The following PLB1 variants were observed in gnomAD, a reference collection of about 807,000 sequenced individuals.
PLB1 encodes phospholipase B1, membrane-associated.
Under a neutral mutation model 227.4 loss-of-function variants are expected in PLB1, and 242 were observed. The observed-to-expected ratio is 1.06, with a 90% CI of 0.96 to 1.18. The LOEUF (loss-of-function observed/expected upper bound fraction) is 1.18, where lower values mean the gene tolerates loss of function less well. Among genes scored for constraint, PLB1 ranks in the 50% most tolerant of loss-of-function variants. The pLI, the probability that PLB1 is intolerant of heterozygous loss-of-function variation, is 0.00. For missense variants in PLB1, 1,858 were observed against 1,816.3 expected, an observed-to-expected ratio of 1.02 and a Z score of -0.42; for synonymous variants, 757 against 682.2, an observed-to-expected ratio of 1.11 and a Z score of -1.71.
intron 46 of PLB1, 118 bp downstream of exon 46, chr2:28,618,517 C>A: frequency 9.6e-7 from 1 of 1,045,484 alleles, no homozygotes; most frequent in Non-Finnish European, 1.4e-6. Context: ...TTACTGAGGG[C>A]CTACCCATGT....
chr2:28,604,534 G>A, intron 40 of PLB1, 121 bp from the exon 41 acceptor site: 1 of 675,094 alleles, frequency 1.5e-6, no homozygotes. Flanking sequence ...TGTTCTCAAG[G>A]GAAAGGCTGA....
chr2:28,630,028 AGTCT>A (rs528951645), intron 53 of PLB1, among the ~76,000 whole-genome samples: 24 of 152,258 alleles, frequency 1.6e-4, no homozygotes, highest in Admixed American at 3.9e-4. Flanking sequence ...GCTCCTCCAG[AGTCT>A]GTCTGTATCG....
Position 28,537,934 on chromosome 2 carries a change from T to A in PLB1, c.556-385T>A, listed in dbSNP as rs114769738. Reference sequence around the variant, plus strand: ...ATACAGGGTTAATTGTATTTCCCTGTTGGACCTGATTTTCTTTGGGAAAAA... The same window carrying A: ...ATACAGGGTTAATTGTATTTCCCTGATGGACCTGATTTTCTTTGGGAAAAA... On this transcript the variant is annotated intron_variant, in intron 9 of 57. Coordinates refer to ENST00000327757, the MANE Select transcript of PLB1 (RefSeq NM_153021.5). Among the ~76,000 whole-genome samples the A allele has an allele frequency of 5.1e-3, 781 of 152,300 alleles. 3 individuals are homozygous for A. The highest frequency in any genetic ancestry group is 0.018 in the African/African-American group (760 of 41,560).
intron 38 of PLB1, among the ~76,000 whole-genome samples, chr2:28,602,271 GT>G (rs1456809965): frequency 4.6e-5 from 7 of 152,220 alleles, no homozygotes; most frequent in Non-Finnish European, 1.0e-4. Flanking sequence ...TGGCAGCCAG[GT>G]GGCCCCCAGG....
At chr2:28,615,366 G>T (rs1490297242) in intron 44 of PLB1, among the ~76,000 whole-genome samples, 1 of 152,218 alleles carries the variant, frequency 6.6e-6, no homozygotes, top group Non-Finnish European at 1.5e-5. Context: ...TCTCAGGAGA[G>T]AGTGACATGA....
At chr2:28,620,498 C>G in intron 47 of PLB1, 102 bp from the exon 48 acceptor site, 1 of 1,458,184 alleles carries the variant, frequency 6.9e-7, no homozygotes, top group Non-Finnish European at 9.3e-7. Flanking sequence ...GGAGAGACGC[C>G]CCAGGGGCCC....
At chr2:28,601,864 A>C in intron 37 of PLB1, 35 bp from the exon 38 acceptor site, 2 of 1,531,566 alleles carry the variant, frequency 1.3e-6, no homozygotes, top group South Asian at 1.1e-5. Flanking sequence ...CACCCTAACC[A>C]GTTCCTCCTT....
intron 21 of PLB1, among the ~76,000 whole-genome samples, chr2:28,573,857 C>T (rs893230741): frequency 6.6e-6 from 1 of 152,222 alleles, no homozygotes; most frequent in East Asian, 1.9e-4. Context: ...ATATTGGATA[C>T]GAAAGTTCTG....
chr2:28,642,963 G>A lies in PLB1; in HGVS notation c.4279G>A (p.Gly1427Ser), dbSNP rs201684393. 1.2e-4 allele frequency: 198 copies of A among 1,609,458 alleles called. No individual in the cohort carries two copies. The highest frequency in any genetic ancestry group is 1.5e-4 in the Non-Finnish European group (179 of 1,178,336). ...YWAVPVAAGV[G>S]LVVGIIGTVV... ...GGCTGTCCCAGTGGCAGCGGGAGTCGGCCTTGTGGTGGGCATCATCGGGAC... is the reference window on the plus strand; with the variant it reads ...GGCTGTCCCAGTGGCAGCGGGAGTCAGCCTTGTGGTGGGCATCATCGGGAC... The change falls in exon 58 of 58, where the codon GGC becomes AGC. Residue 1427 changes from glycine (G) to serine (S), a missense_variant. Gly to Ser is a moderately conservative substitution (Grantham distance 56). Coordinates refer to ENST00000327757, the MANE Select transcript of PLB1 (RefSeq NM_153021.5).
At position 28,606,600 on chromosome 2, in the gene PLB1, A is replaced by G. The variant is rs573540929; in HGVS notation, c.3129+33A>G. ...GGGAGGACCTGCCTGGCTCCTCTCC[A>G]CAAACCAGGGCACACAGCTCGCCCT... On this transcript the variant is annotated intron_variant, in intron 43 of 57. Transcript: ENST00000327757. 2.5e-6 allele frequency: 4 copies of G among 1,592,970 alleles called. No individual in the cohort carries two copies. In the East Asian group the frequency reaches 6.7e-5, roughly 27 times the overall value.
At chr2:28,502,834 TGCCAATGAA>T (rs1221228551) in intron 1 of PLB1, among the ~76,000 whole-genome samples, 3 of 152,200 alleles carry the variant, frequency 2.0e-5, no homozygotes, top group Non-Finnish European at 4.4e-5. Flanking sequence ...TGGTAGAACT[TGCCAATGAA>T]GCCATCTGGG....
chr2:28,576,969 C>T (rs555622087), intron 21 of PLB1, among the ~76,000 whole-genome samples: 2 of 152,258 alleles, frequency 1.3e-5, no homozygotes, highest in African/African-American at 4.8e-5. Context: ...CCTGCTAAGC[C>T]CTGTGCCAGG....
At chr2:28,564,507 G>GA (rs1377570086) in intron 18 of PLB1, among the ~76,000 whole-genome samples, 1 of 152,158 alleles carries the variant, frequency 6.6e-6, no homozygotes, top group East Asian at 1.9e-4. Flanking sequence ...TGCCCGGCGG[G>GA]GCCTGACATC....
At chr2:28,567,230 G>C (rs888503109) in intron 20 of PLB1, among the ~76,000 whole-genome samples, 2 of 145,968 alleles carry the variant, frequency 1.4e-5, no homozygotes, top group Non-Finnish European at 3.0e-5. Context: ...AAGAAACCCG[G>C]TTGTGCGGCG....
intron 21 of PLB1, among the ~76,000 whole-genome samples, chr2:28,576,076 T>C (rs960923128): frequency 1.3e-5 from 2 of 151,700 alleles, no homozygotes; most frequent in Non-Finnish European, 2.9e-5. Flanking sequence ...CCAAAATGAG[T>C]GTGATTCATA....
At chr2:28,529,540 C>A in intron 7 of PLB1, 133 bp downstream of exon 7, 2 of 934,450 alleles carry the variant, frequency 2.1e-6, no homozygotes, top group Non-Finnish European at 3.3e-6. Context: ...AGCCCAAATG[C>A]CCCCTCAAGC....
At chr2:28,557,357 C>A (rs1466735167) in intron 17 of PLB1, among the ~76,000 whole-genome samples, 1 of 152,220 alleles carries the variant, frequency 6.6e-6, no homozygotes, top group African/African-American at 2.4e-5. Flanking sequence ...TCGTTCCAAT[C>A]TTGAGGCAGC....
intron 39 of PLB1, among the ~76,000 whole-genome samples, chr2:28,603,717 A>G (rs1431569212): frequency 6.6e-6 from 1 of 152,252 alleles, no homozygotes; most frequent in Non-Finnish European, 1.5e-5. Context: ...CTGCAGTCCA[A>G]CACTTGTGCT....
At chr2:28,620,220 CT>C in intron 46 of PLB1, 44 bp from the exon 47 acceptor site, 1 of 1,438,598 alleles carries the variant, frequency 7.0e-7, no homozygotes, top group Admixed American at 2.2e-5. Context: ...TTCCAGTGCC[CT>C]CAGCCTATAC....
Sources: allele counts gnomAD v4.1 joint callset (sites outside exome capture counted in the v4.1 genomes callset), GRCh38; gene constraint gnomAD v4.1.1; transcripts MANE v1.5; gene names NCBI Gene and HGNC (gene_info 2026-07-23, HGNC 2026-07-21).